Variants in FGD4 observed in about 807,000 individuals in gnomAD.
FGD4 encodes the protein FYVE, RhoGEF and PH domain containing 4.
In FGD4, 42 loss-of-function variants were observed where a neutral mutation model predicts 102.0. That is an observed-to-expected ratio of 0.41 (90% CI 0.32 to 0.53). The LOEUF (loss-of-function observed/expected upper bound fraction) is 0.53, where lower values mean the gene tolerates loss of function less well. Ranked by LOEUF, FGD4 falls within the 20% of genes least tolerant of loss-of-function variation. FGD4 has a pLI of 0.21. For synonymous variants in FGD4, 380 were observed against 375.7 expected (o/e 1.01, Z -0.13); for missense variants, 902 against 1,078.2 (o/e 0.84, Z 2.29).
At chr12:32,411,597 A>G (rs1941211613) in intron 1 of FGD4, among the ~76,000 whole-genome samples, 1 of 152,004 alleles carries the variant, frequency 6.6e-6, no homozygotes, top group Admixed American at 6.6e-5. Flanking sequence ...GGAACCATAT[A>G]AATTATAAGA....
intron 1 of FGD4, among the ~76,000 whole-genome samples, chr12:32,540,110 G>A (rs982670016): frequency 1.3e-5 from 2 of 152,088 alleles, no homozygotes; most frequent in African/African-American, 2.4e-5. Context: ...ATACAGAATG[G>A]TAACAAGTCA....
At chr12:32,537,352 C>T (rs1004523137) in intron 1 of FGD4, among the ~76,000 whole-genome samples, 5 of 152,188 alleles carry the variant, frequency 3.3e-5, no homozygotes, top group South Asian at 2.1e-4. Flanking sequence ...GTTACTTGCC[C>T]TGCTTTAGGT....
intron 1 of FGD4, among the ~76,000 whole-genome samples, chr12:32,446,163 A>C (rs1942609150): frequency 6.6e-6 from 1 of 152,218 alleles, no homozygotes; most frequent in Non-Finnish European, 1.5e-5. Flanking sequence ...TCAAAAAATA[A>C]AAATAAAATG....
chr12:32,409,448 C>G (rs530639347), intron 1 of FGD4, among the ~76,000 whole-genome samples: 1 of 152,064 alleles, frequency 6.6e-6, no homozygotes, highest in African/African-American at 2.4e-5. Flanking sequence ...GCCACCACAC[C>G]TGGTTAATTT....
In FGD4 at chr12:32,644,880, T is replaced by A. The variant is rs966650800; in HGVS notation, c.*4347T>A. On this transcript the variant is annotated 3_prime_UTR_variant, in exon 17 of 17. Coordinates refer to ENST00000534526, the MANE Select transcript of FGD4 (RefSeq NM_001370298.3). ...TTCTCAGATCATTTTCTGTACTGTT[T>A]ACTGAGGCAAAAAAAAAAAAAATCT... 42 of 136,758 alleles carry A rather than the reference T, an allele frequency of 3.1e-4. No homozygotes were observed. The highest frequency in any genetic ancestry group is 1.2e-3 in the African/African-American group (41 of 33,726). The allele number at this position is 136,758 out of a possible 1,614,324, so 8.5% of individuals were successfully genotyped here.
chr12:32,470,761 A>C (rs1329331749), intron 1 of FGD4, among the ~76,000 whole-genome samples: 2 of 152,040 alleles, frequency 1.3e-5, no homozygotes, highest in Admixed American at 6.5e-5. Context: ...GCCTGCTTTG[A>C]AGGTTTCCTT....
chr12:32,438,530 G>A (rs1236055643), intron 1 of FGD4, among the ~76,000 whole-genome samples: 1 of 152,014 alleles, frequency 6.6e-6, no homozygotes, highest in Admixed American at 6.6e-5. Flanking sequence ...AGTGGACACA[G>A]GAGGATGCTT....
At chr12:32,563,997 G>A (rs1336440974) in intron 1 of FGD4, 140 bp from the exon 2 acceptor site, 4 of 848,472 alleles carry the variant, frequency 4.7e-6, no homozygotes, top group East Asian at 2.8e-5. Flanking sequence ...CGTGGAAAGA[G>A]AGGGAGACCG....
chr12:32,588,802 G>A (rs1192789964), intron 4 of FGD4, among the ~76,000 whole-genome samples: 2 of 152,348 alleles, frequency 1.3e-5, no homozygotes, highest in East Asian at 1.9e-4. Flanking sequence ...TTAACAGAAC[G>A]TTGAGTTGAA....
chr12:32,414,421 T>G (rs1292055875), intron 1 of FGD4, among the ~76,000 whole-genome samples: 1 of 152,162 alleles, frequency 6.6e-6, no homozygotes, highest in Admixed American at 6.5e-5. Flanking sequence ...CTGTGAAGCA[T>G]TCATCCTTGT....
intron 1 of FGD4, among the ~76,000 whole-genome samples, chr12:32,492,625 G>T (rs924258853): frequency 6.6e-6 from 1 of 152,134 alleles, no homozygotes. Context: ...AAAGCAGGAT[G>T]TACAATATGC....
At chr12:32,566,966 TA>T (rs1207426201) in intron 2 of FGD4, among the ~76,000 whole-genome samples, 1 of 152,202 alleles carries the variant, frequency 6.6e-6, no homozygotes. Context: ...GATAAACTGT[TA>T]AGTCTGCCTT....
intron 1 of FGD4, among the ~76,000 whole-genome samples, chr12:32,473,692 A>C (rs920621435): frequency 6.6e-6 from 1 of 152,194 alleles, no homozygotes; most frequent in African/African-American, 2.4e-5. Context: ...CTATGAATTA[A>C]AAGCACACGT....
At chr12:32,508,916 G>A (rs73301595) in intron 1 of FGD4, among the ~76,000 whole-genome samples, 2,441 of 152,324 alleles carry the variant, frequency 0.016, 69 homozygotes, top group African/African-American at 0.054. Flanking sequence ...GTTTGGGTGC[G>A]TGCGCACACA....
chr12:32,436,676 G>T (rs1221479400), intron 1 of FGD4, among the ~76,000 whole-genome samples: 3 of 152,132 alleles, frequency 2.0e-5, no homozygotes, highest in Non-Finnish European at 4.4e-5. Context: ...AAGGTGTCTT[G>T]GGTCTGGTCT....
At chr12:32,608,912 G>A (rs768477195) in intron 8 of FGD4, among the ~76,000 whole-genome samples, 9 of 151,904 alleles carry the variant, frequency 5.9e-5, no homozygotes, top group Admixed American at 2.0e-4. Flanking sequence ...TATTATTGTT[G>A]TTATTATTAC....
rs373397570 is a variant in FGD4, at chr12:32,413,104, C to G, written c.166+13145C>G. Among the ~76,000 whole-genome samples the G allele has an allele frequency of 3.3e-5, 5 of 150,922 alleles. 1 individual carries two copies. The highest frequency in any genetic ancestry group is 1.2e-4 in the African/African-American group (5 of 41,042). The stretch of plus-strand genomic sequence containing the variant: ...AAAAAAAATTTTTTTTAAATTATAG[C>G]CAATTTGATTAAAAATAATTACCAA... On this transcript the variant is annotated intron_variant, in intron 1 of 16. Coordinates refer to ENST00000534526, the MANE Select transcript of FGD4 (RefSeq NM_001370298.3).
intron 3 of FGD4, 53 bp downstream of exon 3, chr12:32,576,502 C>T (rs1946138759): frequency 1.1e-5 from 17 of 1,582,662 alleles, no homozygotes; most frequent in South Asian, 3.3e-5. Flanking sequence ...AGCTGATTTT[C>T]GAAAAAATGA....
At chr12:32,481,026 G>C (rs554266439) in intron 1 of FGD4, among the ~76,000 whole-genome samples, 1 of 149,694 alleles carries the variant, frequency 6.7e-6, no homozygotes, top group Non-Finnish European at 1.5e-5. Flanking sequence ...TATGTTGCCC[G>C]GGCTGGCCTT....
Sources: gnomAD v4.1 joint callset for allele counts (sites outside exome capture counted in the v4.1 genomes callset) on GRCh38, gnomAD v4.1.1 for gene constraint, MANE v1.5 for transcripts, NCBI Gene and HGNC (gene_info 2026-07-23, HGNC 2026-07-21) for gene names.